PDE1A: variants seen among roughly 807,000 people sequenced by gnomAD.
PDE1A encodes the protein dual specificity calcium/calmodulin-dependent 3',5'-cyclic nucleotide phosphodiesterase 1A.
In PDE1A, 35 loss-of-function variants were observed where a neutral mutation model predicts 61.7. The observed-to-expected ratio is 0.57, with a 90% CI of 0.43 to 0.75. The LOEUF is 0.75. Among genes scored for constraint, PDE1A ranks in the 30% least tolerant of loss-of-function variants. PDE1A has a pLI of 0.00. For missense variants in PDE1A, 597 were observed against 630.6 expected, an observed-to-expected ratio of 0.95 and a Z score of 0.57; for synonymous variants, 232 against 213.2, an observed-to-expected ratio of 1.09 and a Z score of -0.77.
chr2:182,619,674 C>G, the PDE1A span, among the ~76,000 whole-genome samples: 1 of 152,036 alleles, frequency 6.6e-6, no homozygotes, highest in African/African-American at 2.4e-5. Context: ...ATCAAAATTT[C>G]CTTTTGACAC....
the PDE1A span, among the ~76,000 whole-genome samples, chr2:182,647,883 C>CA: frequency 6.7e-6 from 1 of 149,864 alleles, no homozygotes; most frequent in Admixed American, 6.6e-5. Context: ...CAGAGGAGGA[C>CA]AAAAAAGGGA....
rs10195640 is a variant in PDE1A, at chr2:182,384,867, T to A, written c.53+41711A>T. On this transcript the variant is annotated intron_variant, in intron 1 of 13. Transcript: ENST00000351439. ...ATTCAAATAAGACTACCCCAGTACC[T>A]ATTATAATCAAACTGTCAAAAACTC... Among the ~76,000 whole-genome samples, 863 of 152,222 alleles carry A rather than the reference T, an allele frequency of 5.7e-3. 5 individuals are homozygous for A. The highest frequency in any genetic ancestry group is 0.019 in the African/African-American group (791 of 41,520).
chr2:182,148,310 C>T (rs530125366), intron 13 of PDE1A, among the ~76,000 whole-genome samples: 404 of 152,228 alleles, frequency 2.7e-3, no homozygotes, highest in African/African-American at 9.4e-3. Context: ...GTTGATGTTT[C>T]TCTCATTTCT....
rs1193600267 is a variant in PDE1A, at chr2:182,172,935, G to A, written c.1517-4645C>T. On this transcript the variant is annotated intron_variant, in intron 13 of 13. Transcript: ENST00000351439. ...ACCTTGTCCACTGATCTTCCCAGGAGTAGAGAGCAAACATTCCAGGGTACA... is the reference window on the plus strand; with the variant it reads ...ACCTTGTCCACTGATCTTCCCAGGAATAGAGAGCAAACATTCCAGGGTACA... Among the ~76,000 whole-genome samples the A allele has an allele frequency of 2.0e-5, 3 of 152,000 alleles. No homozygotes were observed. In the South Asian group the frequency reaches 6.2e-4, roughly 31 times the overall value.
chr2:182,218,002 A>G lies in PDE1A; in HGVS notation c.776+5862T>C, dbSNP rs1384450363. 2.0e-5 allele frequency among the ~76,000 whole-genome samples: 3 copies of G among 150,216 alleles called. No individual in the cohort carries two copies. The East Asian group carries it at 5.9e-4, about 30-fold the overall frequency. ...TATTGCGGCACTATTCACAATAGCAAAGACTTGGAACCAACCCAAATGTCC... is the reference window on the plus strand; with the variant it reads ...TATTGCGGCACTATTCACAATAGCAGAGACTTGGAACCAACCCAAATGTCC... On this transcript the variant is annotated intron_variant, in intron 7 of 13. Coordinates refer to ENST00000351439, the Ensembl canonical transcript of PDE1A.
intron 1 of PDE1A, among the ~76,000 whole-genome samples, chr2:182,373,060 C>T (rs567248982): frequency 7.2e-5 from 11 of 152,302 alleles, no homozygotes; most frequent in East Asian, 5.8e-4. Flanking sequence ...AGCAGTTTCA[C>T]GACCTCACAT....
At chr2:182,308,767 T>C (rs1695769025) in intron 1 of PDE1A, among the ~76,000 whole-genome samples, 1 of 152,098 alleles carries the variant, frequency 6.6e-6, no homozygotes, top group African/African-American at 2.4e-5. Context: ...AATACTTTTT[T>C]ATATTTAGTT....
intron 6 of PDE1A, among the ~76,000 whole-genome samples, chr2:182,227,738 C>T (rs947289254): frequency 2.0e-5 from 3 of 152,030 alleles, no homozygotes; most frequent in Admixed American, 6.6e-5. Flanking sequence ...GTTTTAAACT[C>T]GTGTCTGACT....
Position 182,409,289 on chromosome 2 carries a change from GAAT to G in PDE1A, c.53+17286_53+17288del, listed in dbSNP as rs367870663. Among the ~76,000 whole-genome samples, 36 of 152,276 alleles carry G rather than the reference GAAT, an allele frequency of 2.4e-4. 1 individual carries two copies. In the East Asian group the frequency reaches 6.4e-3, roughly 27 times the overall value. On this transcript the variant is annotated intron_variant, in intron 1 of 13. Transcript: ENST00000351439. ...CCTGCTAGAAATTTCTACCTGAACA[GAAT>G]AATGACTTCAATGATTAATCTCAAA...
At chr2:182,561,984 C>A in the PDE1A span, among the ~76,000 whole-genome samples, 3 of 151,974 alleles carry the variant, frequency 2.0e-5, no homozygotes, top group Admixed American at 6.6e-5. Context: ...TCTAGATATA[C>A]AATCATGTCG....
chr2:182,264,499 A>C, intron 1 of PDE1A, 85 bp from the exon 2 acceptor site: 1 of 900,304 alleles, frequency 1.1e-6, no homozygotes, highest in Non-Finnish European at 1.7e-6. Flanking sequence ...AAATACACTC[A>C]GTTAAGATTT....
At chr2:182,527,334 A>ATG (rs1177164035), upstream of PDE1A, among the ~76,000 whole-genome samples, 13 of 7,000 alleles carry the variant, frequency 1.9e-3, 1 homozygote, top group African/African-American at 7.9e-3. Flanking sequence ...AAAAATATAT[A>ATG]TATATATATA....
At chr2:182,191,182 T>G (rs1228977639) in intron 10 of PDE1A, among the ~76,000 whole-genome samples, 1 of 152,090 alleles carries the variant, frequency 6.6e-6, no homozygotes, top group South Asian at 2.1e-4. Flanking sequence ...TTTGAAAGAT[T>G]AGTTTGTCTG....
chr2:182,700,539 C>A, the PDE1A span, among the ~76,000 whole-genome samples: 111 of 151,594 alleles, frequency 7.3e-4, 1 homozygote, highest in South Asian at 1.3e-3. Flanking sequence ...CTGGCCAACA[C>A]GGTGAAACCC....
At chr2:182,495,400 C>A (rs1688652520) in intron 2 of PDE1A, among the ~76,000 whole-genome samples, 1 of 152,164 alleles carries the variant, frequency 6.6e-6, no homozygotes, top group African/African-American at 2.4e-5. Context: ...CATGTAGAAT[C>A]TGGCTTTGGT....
chr2:182,360,346 C>T (rs1008911930), intron 1 of PDE1A, among the ~76,000 whole-genome samples: 3 of 152,030 alleles, frequency 2.0e-5, no homozygotes, highest in Admixed American at 1.3e-4. Context: ...GTGAGGCAAT[C>T]GGATTTGGCA....
intron 13 of PDE1A, among the ~76,000 whole-genome samples, chr2:182,156,261 A>G (rs1691075868): frequency 6.6e-6 from 1 of 152,246 alleles, no homozygotes; most frequent in African/African-American, 2.4e-5. Context: ...TAGCAACAGT[A>G]AAAACAATAG....
At chr2:182,488,114 G>A (rs1688132951) in intron 2 of PDE1A, among the ~76,000 whole-genome samples, 1 of 152,082 alleles carries the variant, frequency 6.6e-6, no homozygotes, top group African/African-American at 2.4e-5. Context: ...TAGTTTCACA[G>A]TTTTTACTAA....
chr2:182,442,431 C>T (rs1434485779), intron 2 of PDE1A, among the ~76,000 whole-genome samples: 2 of 151,918 alleles, frequency 1.3e-5, no homozygotes, highest in African/African-American at 4.8e-5. Context: ...ATATAAAAGA[C>T]TATTGGGACA....
Sources: allele counts gnomAD v4.1 joint callset (sites outside exome capture counted in the v4.1 genomes callset), GRCh38; gene constraint gnomAD v4.1.1; transcripts MANE v1.5; gene names NCBI Gene and HGNC (gene_info 2026-07-23, HGNC 2026-07-21).